FBN3: variants seen among roughly 807,000 people sequenced by gnomAD.
FBN3 encodes fibrillin-3.
In FBN3, 234 loss-of-function variants were observed where a neutral mutation model predicts 330.1. The ratio of observed to expected loss-of-function variants is 0.71; its 90% CI spans 0.64 to 0.79. The LOEUF (loss-of-function observed/expected upper bound fraction) is 0.79, where lower values mean the gene tolerates loss of function less well. Ranked by LOEUF, FBN3 falls within the 30% of genes least tolerant of loss-of-function variation. The pLI is 0.00. For missense variants in FBN3, 3,606 were observed against 3,886.9 expected (o/e 0.93, Z 1.92); for synonymous variants, 1,458 against 1,517.3 (o/e 0.96, Z 0.91).
chr19:8,111,367 G>T (rs1169926211), intron 32 of FBN3, among the ~76,000 whole-genome samples, 184 bp from the exon 33 acceptor site: 1 of 152,102 alleles, frequency 6.6e-6, no homozygotes, highest in African/African-American at 2.4e-5. Flanking sequence ...AGGGAGGGGA[G>T]AGGTGGTCTG....
At chr19:8,138,903 CAA>C (rs2083349653) in intron 8 of FBN3, among the ~76,000 whole-genome samples, 1 of 151,924 alleles carries the variant, frequency 6.6e-6, no homozygotes, top group Admixed American at 6.6e-5. Flanking sequence ...AAAAATTAGC[CAA>C]GGGTGGTGGC....
chr19:8,091,450 C>T lies in FBN3; in HGVS notation c.6031+15G>A, dbSNP rs377448043. On this transcript the variant is annotated intron_variant, in intron 48 of 63. Transcript: ENST00000600128. ...CCACTTCCCACCCTCTTCCCTAAGC[C>T]CTGTGTGGACTTACCAAAGCAACGG... 6.2e-6 allele frequency: 10 copies of T among 1,613,784 alleles called. No homozygotes were observed. In the African/African-American group the frequency reaches 1.1e-4, roughly 17 times the overall value.
At chr19:8,119,397 C>T (rs867006519) in intron 25 of FBN3, among the ~76,000 whole-genome samples, 1 of 152,354 alleles carries the variant, frequency 6.6e-6, no homozygotes, top group Middle Eastern at 3.4e-3. Context: ...CCTCATCACT[C>T]TTCAGCCACA....
At chr19:8,083,399 G>T in intron 56 of FBN3, 27 bp from the exon 57 acceptor site, 3 of 1,612,340 alleles carry the variant, frequency 1.9e-6, no homozygotes, top group Non-Finnish European at 1.7e-6. Flanking sequence ...TGCAAATGGG[G>T]CTGGCTGGCT....
At chr19:8,078,297 C>T (rs1439097962) in intron 59 of FBN3, among the ~76,000 whole-genome samples, 1 of 152,160 alleles carries the variant, frequency 6.6e-6, no homozygotes, top group African/African-American at 2.4e-5. Flanking sequence ...CTTTCATTTA[C>T]GTATCTCTCC....
At position 8,129,197 on chromosome 19, in the gene FBN3, G is replaced by A. The variant is rs1451605990; in HGVS notation, c.2170+43C>T. The A allele has an allele frequency of 5.0e-6, 8 of 1,612,310 alleles. No individual in the cohort carries two copies. The highest frequency in any genetic ancestry group is 5.9e-6 in the Non-Finnish European group (7 of 1,179,206). ...AGAGAGGGGTGAGGGGTCTGCAGTG[G>A]GAGAGGCTGCCCACACATCCGCCCG... On this transcript the variant is annotated intron_variant, in intron 17 of 63. Coordinates refer to ENST00000600128, the MANE Select transcript of FBN3 (RefSeq NM_032447.5). The surrounding 1 kb of genome is among the most constrained non-coding windows in gnomAD (Gnocchi z 4.5).
In FBN3 at chr19:8,073,421, A is replaced by G. The variant is rs1038282054; in HGVS notation, c.7703-124T>C. On this transcript the variant is annotated intron_variant, in intron 61 of 63. Transcript: ENST00000600128. Reference sequence around the variant, plus strand: ...GCCCAAGTCCAATGCCAAACTCTTCAGCAAGCTGGCAGTGAGCCCTGAGAC... The same window carrying G: ...GCCCAAGTCCAATGCCAAACTCTTCGGCAAGCTGGCAGTGAGCCCTGAGAC... 24 of 772,914 alleles carry G rather than the reference A, an allele frequency of 3.1e-5. No individual in the cohort carries two copies. In the African/African-American group the frequency reaches 3.2e-4, roughly 10 times the overall value. 47.9% of individuals were successfully genotyped at this position (772,914 alleles called of 1,614,324 possible). A position where few individuals can be genotyped will look rare whatever the true frequency, so the allele number is the denominator to read the frequency against.
Position 8,117,500 on chromosome 19 carries a change from C to T in FBN3, c.3427G>A (p.Gly1143Ser), listed in dbSNP as rs146699928. The change falls in exon 27 of 64, where the codon GGC becomes AGC. Residue 1143 changes from glycine (G) to serine (S), a missense_variant. Gly to Ser is a moderately conservative substitution (Grantham distance 56). Transcript: ENST00000600128. ...IGAFQCSCHA[G>S]FQSTPDRQGC... ...TGGCGGTCAGGTGTGCTCTGGAAGCCGGCATGGCAGGAGCACTGGAAGGCA... is the reference window on the plus strand; with the variant it reads ...TGGCGGTCAGGTGTGCTCTGGAAGCTGGCATGGCAGGAGCACTGGAAGGCA... 3.8e-5 allele frequency: 60 copies of T among 1,560,262 alleles called. No homozygotes were observed. In the African/African-American group the frequency reaches 4.6e-4, roughly 12 times the overall value.
intron 34 of FBN3, 123 bp downstream of exon 34, chr19:8,110,722 C>G: frequency 7.5e-7 from 1 of 1,334,818 alleles, no homozygotes; most frequent in Non-Finnish European, 1.0e-6. Context: ...GCCCCCCACC[C>G]CCCAGCAAGA....
Position 8,138,246 on chromosome 19 carries a change from A to G in FBN3, c.1096T>C (p.Phe366Leu). The change falls in exon 10 of 64, where the codon TTC becomes CTC. Residue 366 changes from phenylalanine to leucine, a missense_variant. Phe to Leu is a conservative substitution (Grantham distance 22). Coordinates refer to ENST00000600128, the MANE Select transcript of FBN3 (RefSeq NM_032447.5). The stretch of plus-strand genomic sequence containing the variant: ...GGGGGACCCATGCCATTGGATCCGA[A>G]GCCCAGGAGGCCAGGGAAGAGGCCA... ...HPGLFPGLLG[F>L]GSNGMGPPLG... is the part of the protein sequence containing the mutation. 1 of 1,612,108 alleles carries G rather than the reference A, an allele frequency of 6.2e-7. No homozygotes were observed. The highest frequency in any genetic ancestry group is 1.1e-5 in the South Asian group (1 of 90,858).
chr19:8,075,001 G>A (rs1050243946), intron 61 of FBN3, 70 bp downstream of exon 61: 310 of 1,531,580 alleles, frequency 2.0e-4, no homozygotes, highest in Non-Finnish European at 2.5e-4. Flanking sequence ...GCAGGGTGGC[G>A]TCTGTTAGTC....
At position 8,111,961 on chromosome 19, in the gene FBN3, GC is replaced by G. The variant is rs769590226; in HGVS notation, c.3961+15del. 2.7e-6 allele frequency: 4 copies of G among 1,457,826 alleles called. No homozygotes were observed. Among genetic ancestry groups the G allele is most frequent in the Non-Finnish European group, 3.7e-6 (4 of 1,079,992 alleles). The allele number at this position is 1,457,826 out of a possible 1,614,324, so 90.3% of individuals were successfully genotyped here. A position where few individuals can be genotyped will look rare whatever the true frequency, so the allele number is the denominator to read the frequency against. On this transcript the variant is annotated intron_variant, in intron 31 of 63. Coordinates refer to ENST00000600128, the MANE Select transcript of FBN3 (RefSeq NM_032447.5). ...CTCTACTGCTTTGCCCCCACTCCCTGCCCCCAGGTACTCACCGTGACATTCG... is the reference window on the plus strand; with the variant it reads ...CTCTACTGCTTTGCCCCCACTCCCTGCCCCAGGTACTCACCGTGACATTCG...
In FBN3 at chr19:8,085,562, C is replaced by T. The variant is rs1298813757; in HGVS notation, c.6888G>A (p.Arg2296=). 8.9e-6 allele frequency: 14 copies of T among 1,566,074 alleles called. No homozygotes were observed. The highest frequency in any genetic ancestry group is 1.2e-5 in the Non-Finnish European group (14 of 1,156,470). ...GCACCTCGGCAAAGCAGGGCCCCTG[C>T]CGGATGTCTGCAGAGAACAATGGGA... ...SPTLTECHDI[R]QGPCFAEVLQ... Residue 2296 remains arginine, a synonymous_variant, in exon 56 of 64, where the codon CGG becomes CGA. Transcript: ENST00000600128.
Position 8,106,170 on chromosome 19 carries a change from C to A in FBN3, c.4751G>T (p.Gly1584Val). The A allele has an allele frequency of 6.2e-7, 1 of 1,614,150 alleles. No homozygotes were observed. Among genetic ancestry groups the A allele is most frequent in the Non-Finnish European group, 8.5e-7 (1 of 1,180,014 alleles). Residue 1584 changes from glycine to valine, a missense_variant, in exon 38 of 64, where the codon GGC becomes GTC. Physicochemically the swap from Gly to Val is moderately radical, Grantham distance 109 (BLOSUM62 -3). Transcript: ENST00000600128. ...AGGTGGGCACTCACACTGGAAACTGCCAAACGTGTTGACGCAGTCACCCCC... is the reference window on the plus strand; with the variant it reads ...AGGTGGGCACTCACACTGGAAACTGACAAACGTGTTGACGCAGTCACCCCC... ...CQGGDCVNTF[G>V]SFQCECPPGY... is the part of the protein sequence containing the mutation.
intron 59 of FBN3, among the ~76,000 whole-genome samples, chr19:8,076,230 T>C (rs1444869951): frequency 7.6e-6 from 1 of 132,214 alleles, no homozygotes; most frequent in African/African-American, 3.1e-5. Context: ...CCAACCAGTG[T>C]ATGGGTTGTC....
Position 8,096,805 on chromosome 19 carries a change from C to G in FBN3, c.5413+76G>C. ...GTATAGAAAAGGAGAAAGACCTGGA[C>G]AGAGCCATACCCCATCTAAGTCCCC... On this transcript the variant is annotated intron_variant, in intron 43 of 63. Coordinates refer to ENST00000600128, the MANE Select transcript of FBN3 (RefSeq NM_032447.5). This position sits in a 1 kb window ranked among gnomAD's most constrained non-coding sequence, Gnocchi z 4.6. 1 of 1,532,344 alleles carries G rather than the reference C, an allele frequency of 6.5e-7. No individual in the cohort carries two copies. The highest frequency in any genetic ancestry group is 8.9e-7 in the Non-Finnish European group (1 of 1,126,314). 94.9% of individuals were successfully genotyped at this position (1,532,344 alleles called of 1,614,324 possible).
chr19:8,081,462 T>C lies in FBN3; in HGVS notation c.7232A>G (p.Gln2411Arg). The change falls in exon 58 of 64, where the codon CAG (glutamine) becomes CGG (arginine). Residue 2411 changes from glutamine to arginine, a missense_variant. Physicochemically the swap from Gln to Arg is conservative, Grantham distance 43. Coordinates refer to ENST00000600128, the MANE Select transcript of FBN3 (RefSeq NM_032447.5). The stretch of plus-strand genomic sequence containing the variant: ...GAGGAAGGTACATGGCTTGGGGACC[T>C]GGCTGCACTCATCCATATCTGGGGA... ...TTCLDMDECSQVPKPCTFLCK... is the reference protein window; with the variant it reads ...TTCLDMDECSRVPKPCTFLCK... The C allele has an allele frequency of 6.2e-7, 1 of 1,608,648 alleles. No homozygotes were observed. Among genetic ancestry groups the C allele is most frequent in the East Asian group, 2.2e-5 (1 of 44,854 alleles).
intron 63 of FBN3, among the ~76,000 whole-genome samples, 184 bp from the exon 64 acceptor site, chr19:8,066,444 CCTAAG>C: frequency 6.6e-6 from 1 of 152,152 alleles, no homozygotes; most frequent in Non-Finnish European, 1.5e-5. Flanking sequence ...AGGTCATTAT[CCTAAG>C]CTAATTAATG....
At chr19:8,126,223 C>T in intron 21 of FBN3, 74 bp downstream of exon 21, 1 of 1,506,928 alleles carries the variant, frequency 6.6e-7, no homozygotes, top group Non-Finnish European at 9.1e-7. Context: ...GGAGGTGGCA[C>T]CCATGAGGGT....
Sources: gnomAD v4.1 joint callset for allele counts (sites outside exome capture counted in the v4.1 genomes callset) on GRCh38, gnomAD v4.1.1 for gene constraint, Gnocchi (gnomAD v3.1) non-coding constraint, MANE v1.5 for transcripts, NCBI Gene and HGNC (gene_info 2026-07-23, HGNC 2026-07-21) for gene names.